Variants in RANBP17 observed in about 807,000 individuals in gnomAD.
RANBP17 encodes ran-binding protein 17.
A neutral mutation model predicts 141.2 loss-of-function variants in RANBP17; 158 were observed. That is an observed-to-expected ratio of 1.12 (90% confidence interval 0.98 to 1.28). RANBP17 has a LOEUF of 1.28. Ranked by LOEUF, RANBP17 falls within the 50% of genes most tolerant of loss-of-function variation. RANBP17 has a pLI of 0.00. For missense variants in RANBP17, 1,438 were observed against 1,290.7 expected, an observed-to-expected ratio of 1.11 and a Z score of -1.75; for synonymous variants, 430 against 450.0, an observed-to-expected ratio of 0.96 and a Z score of 0.56.
intron 25 of RANBP17, among the ~76,000 whole-genome samples, chr5:171,274,149 T>TGCGCGCGCGC (rs1554127520): frequency 7.9e-6 from 1 of 126,772 alleles, no homozygotes; most frequent in Non-Finnish European, 1.7e-5. Flanking sequence ...TGTGTGTGTG[T>TGCGCGCGCGC]GCGCGCGCGC....
At chr5:171,077,921 C>G (rs1400113221) in intron 14 of RANBP17, among the ~76,000 whole-genome samples, 1 of 152,058 alleles carries the variant, frequency 6.6e-6, no homozygotes, top group Non-Finnish European at 1.5e-5. Context: ...TCTATGAAGA[C>G]TGAGAGAGGT....
At chr5:170,891,820 G>A (rs997786280) in intron 3 of RANBP17, among the ~76,000 whole-genome samples, 5 of 152,160 alleles carry the variant, frequency 3.3e-5, no homozygotes, top group African/African-American at 1.2e-4. Context: ...CTTGGTCAGG[G>A]ACACAAATCC....
At chr5:171,106,402 T>C (rs550525520) in intron 14 of RANBP17, among the ~76,000 whole-genome samples, 1 of 152,260 alleles carries the variant, frequency 6.6e-6, no homozygotes, top group South Asian at 2.1e-4. Context: ...TTTGAGGAAC[T>C]ATAAGATAGG....
Position 171,242,699 on chromosome 5 carries a change from C to G in RANBP17, c.2655C>G (p.Ser885Arg), listed in dbSNP as rs1764963814. 6.2e-7 allele frequency: 1 copy of G among 1,613,480 alleles called. No individual in the cohort carries two copies. The highest frequency in any genetic ancestry group is 8.5e-7 in the Non-Finnish European group (1 of 1,179,790). Reference protein sequence around the residue: ...HSDLLQYRKLSQSYYPLLECL... With the variant: ...HSDLLQYRKLRQSYYPLLECL... ...TGTTGTAGCAATACCGGAAACTGAG[C>G]CAGTCTTATTATCCACTCCTGGAAT... is the stretch of plus-strand genomic sequence containing the variant. The change falls in exon 24 of 28, where the codon AGC (serine) becomes AGG (arginine). Residue 885 changes from serine to arginine, a missense_variant. By Grantham distance (110) the Ser-to-Arg change is moderately radical (BLOSUM62 -1). Coordinates refer to ENST00000523189, the MANE Select transcript of RANBP17 (RefSeq NM_022897.5).
intron 23 of RANBP17, 73 bp from the exon 24 acceptor site, chr5:171,242,609 A>G: frequency 9.4e-6 from 14 of 1,495,538 alleles, no homozygotes; most frequent in Non-Finnish European, 1.3e-5. Flanking sequence ...ATTATAAATG[A>G]CAATTTTCAC....
chr5:170,923,856 G>T (rs1772683734), intron 11 of RANBP17, among the ~76,000 whole-genome samples: 1 of 151,868 alleles, frequency 6.6e-6, no homozygotes. Context: ...TATGACCTTA[G>T]TTAAACTTAC....
At chr5:171,000,732 G>A (rs1305432996) in intron 14 of RANBP17, among the ~76,000 whole-genome samples, 1 of 152,168 alleles carries the variant, frequency 6.6e-6, no homozygotes. Flanking sequence ...GGGATAGGCA[G>A]TGAGTTAGGA....
chr5:171,152,587 G>T, intron 14 of RANBP17, among the ~76,000 whole-genome samples: 1 of 152,148 alleles, frequency 6.6e-6, no homozygotes, highest in East Asian at 1.9e-4. Context: ...GGCTTTTAAG[G>T]TTCTCCATAA....
chr5:171,212,681 T>G (rs1762975213), intron 20 of RANBP17, among the ~76,000 whole-genome samples: 1 of 152,124 alleles, frequency 6.6e-6, no homozygotes, highest in Non-Finnish European at 1.5e-5. Context: ...ATTAAGTGAT[T>G]TAGTTGAGCA....
At position 171,156,824 on chromosome 5, in the gene RANBP17, T is replaced by C. The variant is rs184786659; in HGVS notation, c.1711-13306T>C. Among the ~76,000 whole-genome samples the C allele has an allele frequency of 4.6e-3, 698 of 152,318 alleles. 2 individuals are homozygous for C. The highest frequency in any genetic ancestry group is 7.5e-3 in the Non-Finnish European group (508 of 67,978). On this transcript the variant is annotated intron_variant, in intron 14 of 27. Transcript: ENST00000523189. ...AAGAATTGGCATTAAATCCTTTTTTTGTGATGACAAAGAGGCTAAGAGTGC... is the reference window on the plus strand; with the variant it reads ...AAGAATTGGCATTAAATCCTTTTTTCGTGATGACAAAGAGGCTAAGAGTGC...
In RANBP17 at chr5:170,920,941, G is replaced by A. The variant is rs540341428; in HGVS notation, c.1274+1328G>A. On this transcript the variant is annotated intron_variant, in intron 11 of 27. Coordinates refer to ENST00000523189, the MANE Select transcript of RANBP17 (RefSeq NM_022897.5). ...CCTTTGCCCACTTTTTGATGGGGTT[G>A]TTTTTTTCTTGTAAATTTGTTTAAG... Among the ~76,000 whole-genome samples the A allele has an allele frequency of 1.3e-4, 20 of 152,140 alleles. No individual in the cohort carries two copies. The East Asian group carries it at 3.7e-3, about 28-fold the overall frequency.
chr5:171,016,517 C>A (rs531236141), intron 14 of RANBP17, among the ~76,000 whole-genome samples: 61 of 151,878 alleles, frequency 4.0e-4, no homozygotes, highest in Admixed American at 1.5e-3. Context: ...GGTTTTTGTT[C>A]TTTTTTCCTT....
chr5:171,231,240 C>G lies in RANBP17; in HGVS notation c.2422+9400C>G, dbSNP rs560701906. The stretch of plus-strand genomic sequence containing the variant: ...CTTGGATCACAGGCTTGAGCCACCA[C>G]GCCTGGCCAGAATTGTTATTTAAAT... On this transcript the variant is annotated intron_variant, in intron 22 of 27. Coordinates refer to ENST00000523189, the MANE Select transcript of RANBP17 (RefSeq NM_022897.5). Among the ~76,000 whole-genome samples the G allele has an allele frequency of 3.2e-4, 48 of 151,916 alleles. 1 individual carries two copies. The South Asian group carries it at 9.6e-3, about 30-fold the overall frequency.
chr5:170,932,524 G>C (rs927879911), intron 12 of RANBP17, among the ~76,000 whole-genome samples: 1 of 151,772 alleles, frequency 6.6e-6, no homozygotes, highest in African/African-American at 2.4e-5. Flanking sequence ...TGTCCATTCA[G>C]TATGATACTG....
intron 10 of RANBP17, among the ~76,000 whole-genome samples, chr5:170,919,211 A>T (rs1053405584): frequency 6.6e-6 from 1 of 152,046 alleles, no homozygotes; most frequent in African/African-American, 2.4e-5. Context: ...TCATGGAATG[A>T]TTAGAGGGAA....
intron 14 of RANBP17, among the ~76,000 whole-genome samples, chr5:171,133,175 C>T (rs931715458): frequency 2.0e-5 from 3 of 152,084 alleles, no homozygotes; most frequent in Non-Finnish European, 2.9e-5. Context: ...TGAGCCACCG[C>T]GCCCGGCTGA....
intron 25 of RANBP17, 132 bp from the exon 26 acceptor site, chr5:171,293,751 T>A (rs2914330): frequency 1 from 701,336 of 702,978 alleles, 349,871 homozygotes; most frequent in East Asian, 1. Context: ...CAGAGTCTAG[T>A]CCGTTTGTCC....
At chr5:170,891,932 A>C (rs927623735) in intron 3 of RANBP17, among the ~76,000 whole-genome samples, 1 of 152,174 alleles carries the variant, frequency 6.6e-6, no homozygotes, top group Admixed American at 6.5e-5. Context: ...AAAGTGTTCT[A>C]TTCACGTTTT....
chr5:171,162,575 A>T (rs775778342), intron 14 of RANBP17, among the ~76,000 whole-genome samples: 2 of 152,134 alleles, frequency 1.3e-5, no homozygotes, highest in Non-Finnish European at 2.9e-5. Flanking sequence ...TGGTTTTCAC[A>T]TTATACCTGT....
Sources: allele counts gnomAD v4.1 joint callset (sites outside exome capture counted in the v4.1 genomes callset), GRCh38; gene constraint gnomAD v4.1.1; transcripts MANE v1.5; gene names NCBI Gene and HGNC (gene_info 2026-07-23, HGNC 2026-07-21).